DSCAML1: variants seen among roughly 807,000 people sequenced by gnomAD.
The protein encoded by DSCAML1 is cell adhesion molecule DSCAML1.
Under a neutral mutation model 200.5 loss-of-function variants are expected in DSCAML1, and 38 were observed. The observed-to-expected ratio is 0.19, with a 90% CI of 0.15 to 0.25. DSCAML1 has a LOEUF of 0.25. Ranked by LOEUF, DSCAML1 falls within the 10% of genes least tolerant of loss-of-function variation. The pLI is 1.00. For synonymous variants in DSCAML1, 1,215 were observed against 1,165.0 expected, an observed-to-expected ratio of 1.04 and a Z score of -0.87; for missense variants, 2,223 against 2,858.8, an observed-to-expected ratio of 0.78 and a Z score of 5.07.
rs573692799 is a variant in DSCAML1 at position 117,673,264 on chromosome 11, C to T, written c.511+103527G>A. On this transcript the variant is annotated intron_variant, in intron 3 of 32. Coordinates refer to ENST00000651296, the MANE Select transcript of DSCAML1 (RefSeq NM_020693.4). ...GAGGAAAATCAATACATTCCAAAGC[C>T]GAATATCAATGATTTCTGAATTATC... 5.9e-5 allele frequency among the ~76,000 whole-genome samples: 9 copies of T among 152,206 alleles called. No individual in the cohort carries two copies. The East Asian group carries it at 9.6e-4, about 16-fold the overall frequency.
chr11:117,630,288 A>C (rs2052142846), intron 3 of DSCAML1, among the ~76,000 whole-genome samples: 1 of 152,178 alleles, frequency 6.6e-6, no homozygotes, highest in African/African-American at 2.4e-5. Flanking sequence ...GCCCGACTGC[A>C]CTGCCTGAAC....
At chr11:117,558,780 A>G (rs2050604844) in intron 3 of DSCAML1, among the ~76,000 whole-genome samples, 1 of 152,230 alleles carries the variant, frequency 6.6e-6, no homozygotes, top group Admixed American at 6.5e-5. Context: ...AAAGGGTCAT[A>G]ATAGATCAAG....
upstream of DSCAML1, among the ~76,000 whole-genome samples, chr11:117,797,447 G>T (rs138646154): frequency 6.6e-6 from 1 of 152,220 alleles, no homozygotes; most frequent in Non-Finnish European, 1.5e-5. Context: ...GTCACCCACC[G>T]GCTTGGAGCC....
intron 3 of DSCAML1, among the ~76,000 whole-genome samples, chr11:117,604,819 C>T (rs185438326): frequency 5.3e-5 from 8 of 152,348 alleles, no homozygotes; most frequent in African/African-American, 1.7e-4. Flanking sequence ...TCCCATGCCG[C>T]TCTGTCTGCC....
chr11:117,429,898 T>C (rs74830572), intron 32 of DSCAML1, among the ~76,000 whole-genome samples: 35 of 152,330 alleles, frequency 2.3e-4, no homozygotes, highest in African/African-American at 8.2e-4. Context: ...TTCAGAGAGA[T>C]TAAATCATTT....
In DSCAML1 at chr11:117,464,856, C is replaced by T; in HGVS notation, c.3265+86G>A. On this transcript the variant is annotated intron_variant, in intron 17 of 32. Transcript: ENST00000651296. ...GACCAAAATGGGGCCCAGGGGCAAA[C>T]AGAGGGACCCACAAACCCTCTCTGG... 4 of 1,554,906 alleles carry T rather than the reference C, an allele frequency of 2.6e-6. No individual in the cohort carries two copies. The South Asian group carries it at 3.7e-5, about 14-fold the overall frequency.
intron 3 of DSCAML1, among the ~76,000 whole-genome samples, chr11:117,728,707 A>G (rs2054173310): frequency 6.6e-6 from 1 of 152,232 alleles, no homozygotes; most frequent in African/African-American, 2.4e-5. Context: ...CAAAAAGAAT[A>G]CATTACTTAG....
At chr11:117,443,865 C>A in intron 21 of DSCAML1, 21 bp downstream of exon 21, 1 of 1,570,916 alleles carries the variant, frequency 6.4e-7, no homozygotes, top group South Asian at 1.1e-5. Context: ...TGCCCCTCTG[C>A]CACAGCCTCA....
At chr11:117,809,693 A>C (rs998027881) in intron 1 of DSCAML1, among the ~76,000 whole-genome samples, 1 of 152,186 alleles carries the variant, frequency 6.6e-6, no homozygotes, top group Non-Finnish European at 1.5e-5. Flanking sequence ...GTGTCCTCCA[A>C]AACAGACCTC....
intron 3 of DSCAML1, among the ~76,000 whole-genome samples, chr11:117,709,118 G>A (rs2137764141): frequency 6.6e-6 from 1 of 152,334 alleles, no homozygotes; most frequent in East Asian, 1.9e-4. Flanking sequence ...GCCAAACTTG[G>A]TATGAAACTA....
chr11:117,482,139 G>A lies in DSCAML1; in HGVS notation c.2383C>T (p.Pro795Ser). 1 of 1,614,156 alleles carries A rather than the reference G, an allele frequency of 6.2e-7. No individual in the cohort carries two copies. The highest frequency in any genetic ancestry group is 8.5e-7 in the Non-Finnish European group (1 of 1,179,986). Residue 795 changes from proline (P) to serine (S), a missense_variant, in exon 12 of 33, where the codon CCC (proline) becomes TCC (serine). By Grantham distance (74) the Pro-to-Ser change is moderately conservative (BLOSUM62 -1). This residue lies in a region of DSCAML1 where 438 missense variants were observed against 629.7 expected (regional missense o/e 0.70). Transcript: ENST00000651296. ...CCCTTGATGGCGATGGTGGTGTTGG[G>A]GTGGGAAGTGATCATGGCCGGGACT... The part of the protein sequence containing the change: ...VKIPAMITSH[P>S]NTTIAIKGHA...
intron 3 of DSCAML1, among the ~76,000 whole-genome samples, chr11:117,595,467 A>G (rs1449149466): frequency 6.6e-6 from 1 of 152,194 alleles, no homozygotes; most frequent in African/African-American, 2.4e-5. Context: ...TTTTCATTTT[A>G]TATTCCAATG....
chr11:117,440,310 G>A (rs969208478), intron 21 of DSCAML1, among the ~76,000 whole-genome samples: 1 of 152,200 alleles, frequency 6.6e-6, no homozygotes, highest in South Asian at 2.1e-4. Flanking sequence ...GAGGCAGGGG[G>A]AATGAATGCT....
chr11:117,432,267 TA>T (rs577455414), intron 30 of DSCAML1, 84 bp downstream of exon 30: 223 of 1,267,164 alleles, frequency 1.8e-4, no homozygotes, highest in South Asian at 2.9e-4. Flanking sequence ...CTCCTCCCTT[TA>T]AAAAAAAACA....
intron 3 of DSCAML1, among the ~76,000 whole-genome samples, chr11:117,675,693 C>T (rs1050243918): frequency 6.6e-6 from 1 of 151,880 alleles, no homozygotes; most frequent in Non-Finnish European, 1.5e-5. Context: ...AAGTGCAGGT[C>T]CCCCCTTTCC....
At chr11:117,486,500 G>A (rs188509750) in intron 11 of DSCAML1, among the ~76,000 whole-genome samples, 2 of 152,112 alleles carry the variant, frequency 1.3e-5, no homozygotes, top group Non-Finnish European at 2.9e-5. Context: ...GGATGTGAAA[G>A]GCGCATGTCT....
At chr11:117,577,494 CTT>C (rs1460111491) in intron 3 of DSCAML1, among the ~76,000 whole-genome samples, 33 of 17,518 alleles carry the variant, frequency 1.9e-3, no homozygotes, top group African/African-American at 3.0e-3. Context: ...TCCTTCCTTC[CTT>C]CCTTCCTTCC....
At chr11:117,490,303 G>A (rs2137244922) in intron 11 of DSCAML1, among the ~76,000 whole-genome samples, 1 of 152,280 alleles carries the variant, frequency 6.6e-6, no homozygotes, top group African/African-American at 2.4e-5. Flanking sequence ...GGTCCTGCTT[G>A]GACCAGCTGC....
Position 117,437,908 on chromosome 11 carries a change from C to T in DSCAML1, c.4419G>A (p.Lys1473=), listed in dbSNP as rs2047954344. The change falls in exon 25 of 33, where the codon AAG becomes AAA. Residue 1473 remains lysine, a synonymous_variant. Coordinates refer to ENST00000651296, the MANE Select transcript of DSCAML1 (RefSeq NM_020693.4). This position sits in a 1 kb window ranked among gnomAD's most constrained non-coding sequence, Gnocchi z 5.3. Reference sequence around the variant, plus strand: ...CCTGGGCCTCACCCCGCCCGTGGGTCTTGGCCTCGATGATCTCGCTGATGC... The same window carrying T: ...CCTGGGCCTCACCCCGCCCGTGGGTTTTGGCCTCGATGATCTCGCTGATGC... ...SGRISEIIEA[K]THGREPSFSK... is the part of the protein sequence containing the mutation. The T allele has an allele frequency of 6.2e-7, 1 of 1,610,048 alleles. No individual in the cohort carries two copies. The highest frequency in any genetic ancestry group is 1.1e-5 in the South Asian group (1 of 90,828).
Sources: allele counts gnomAD v4.1 joint callset (sites outside exome capture counted in the v4.1 genomes callset), GRCh38; gene constraint gnomAD v4.1.1; regional missense constraint gnomAD v4.1.1; non-coding constraint Gnocchi (gnomAD v3.1); transcripts MANE v1.5; gene names NCBI Gene and HGNC (gene_info 2026-07-23, HGNC 2026-07-21).